MROH2A: variants seen among roughly 807,000 people sequenced by gnomAD.
MROH2A encodes maestro heat-like repeat-containing protein family member 2A.
A neutral mutation model predicts 200.4 loss-of-function variants in MROH2A; 174 were observed. That is an observed-to-expected ratio of 0.87 (90% CI 0.77 to 0.98). The LOEUF is 0.98. MROH2A is among the 50% of genes least tolerant of loss of function. MROH2A has a pLI of 0.00. For missense variants in MROH2A, 2,045 were observed against 2,139.6 expected, an observed-to-expected ratio of 0.96 and a Z score of 0.87; for synonymous variants, 829 against 840.4, an observed-to-expected ratio of 0.99 and a Z score of 0.23.
At chr2:233,815,073 A>T (rs1443701645) in intron 26 of MROH2A, among the ~76,000 whole-genome samples, 1 of 152,224 alleles carries the variant, frequency 6.6e-6, no homozygotes, top group Non-Finnish European at 1.5e-5. Flanking sequence ...AATTTCATGA[A>T]TTGCCCCAGT....
At chr2:233,792,413 C>T (rs1000971562) in intron 5 of MROH2A, among the ~76,000 whole-genome samples, 1 of 151,818 alleles carries the variant, frequency 6.6e-6, no homozygotes, top group East Asian at 1.9e-4. Flanking sequence ...CCCGGGTTCA[C>T]GCCATTCTCC....
intron 6 of MROH2A, among the ~76,000 whole-genome samples, chr2:233,793,354 A>C (rs78301919): frequency 0.027 from 4,138 of 152,282 alleles, 174 homozygotes; most frequent in African/African-American, 0.094. Context: ...TGAGAAAAAG[A>C]GGGCCACATG....
intron 5 of MROH2A, among the ~76,000 whole-genome samples, chr2:233,792,138 G>C (rs1701805736): frequency 6.6e-6 from 1 of 152,044 alleles, no homozygotes; most frequent in Non-Finnish European, 1.5e-5. Flanking sequence ...TGTCCGGGAG[G>C]ATGGACGCAC....
chr2:233,813,821 G>C (rs934498085), intron 25 of MROH2A, 43 bp downstream of exon 25: 1 of 1,143,458 alleles, frequency 8.7e-7, no homozygotes, highest in African/African-American at 1.5e-5. Context: ...TCAGGACCTG[G>C]GAGTTAACAT....
Position 233,828,487 on chromosome 2 carries a change from TAG to T in MROH2A, c.4114-138_4114-137del. 1 of 1,018,582 alleles carries T rather than the reference TAG, an allele frequency of 9.8e-7. No homozygotes were observed. Among genetic ancestry groups the T allele is most frequent in the African/African-American group, 1.6e-5 (1 of 61,086 alleles). 63.1% of individuals were successfully genotyped at this position (1,018,582 alleles called of 1,614,324 possible). ...AGGTACTAGCATCACCCGCTTTTTA[TAG>T]AGAGGAAACGGAGGCTCTCAGAGCC... On this transcript the variant is annotated intron_variant, in intron 35 of 41. Coordinates refer to ENST00000389758, the MANE Select transcript of MROH2A (RefSeq NM_001394639.1). The surrounding 1 kb of genome is among the most constrained non-coding windows in gnomAD (Gnocchi z 4.6).
rs763479318 is a variant in MROH2A at position 233,799,764 on chromosome 2, G to C, written c.1330-16G>C. 6 of 1,550,128 alleles carry C rather than the reference G, an allele frequency of 3.9e-6. No individual in the cohort carries two copies. In the African/African-American group the frequency reaches 4.1e-5, roughly 11 times the overall value. ...CCACCCCAACCCCCAGCATGTCCAC[G>C]GTCCTGTCCCCTCAGGTGAGGATGG... is the stretch of plus-strand genomic sequence containing the variant. On this transcript the variant is annotated splice_polypyrimidine_tract_variant and intron_variant, in intron 12 of 41. Coordinates refer to ENST00000389758, the MANE Select transcript of MROH2A (RefSeq NM_001394639.1).
chr2:233,817,032 C>T, intron 27 of MROH2A, 147 bp downstream of exon 27: 1 of 561,356 alleles, frequency 1.8e-6, no homozygotes, highest in Non-Finnish European at 3.2e-6. Context: ...GACCTAGTGC[C>T]CTGGGCTGGG....
intron 5 of MROH2A, among the ~76,000 whole-genome samples, chr2:233,792,224 G>A (rs1023111499): frequency 3.3e-5 from 5 of 151,672 alleles, no homozygotes; most frequent in African/African-American, 9.7e-5. Context: ...TCCCTCTCTC[G>A]GACCTCCTCT....
At chr2:233,826,332 C>A (rs920587049) in intron 35 of MROH2A, among the ~76,000 whole-genome samples, 1 of 152,154 alleles carries the variant, frequency 6.6e-6, no homozygotes, top group Non-Finnish European at 1.5e-5. Flanking sequence ...TACTATAAGG[C>A]TACAGTAACC....
In MROH2A at chr2:233,829,077, G is replaced by T; in HGVS notation, c.4446+5G>T. On this transcript the variant is annotated splice_donor_5th_base_variant and intron_variant, in intron 37 of 41. Coordinates refer to ENST00000389758, the MANE Select transcript of MROH2A (RefSeq NM_001394639.1). ...TGCAGGATCTTCTTCGACAACGTGA[G>T]TCCGATGAGAGCCTCCCTGAGCTTG... 1.3e-6 allele frequency: 2 copies of T among 1,504,056 alleles called. No homozygotes were observed. The highest frequency in any genetic ancestry group is 2.6e-5 in the South Asian group (2 of 76,344). 93.2% of individuals were successfully genotyped at this position (1,504,056 alleles called of 1,614,324 possible). A position where few individuals can be genotyped will look rare whatever the true frequency, so the allele number is the denominator to read the frequency against.
At chr2:233,795,910 G>A in intron 9 of MROH2A, 57 bp from the exon 10 acceptor site, 1 of 1,537,742 alleles carries the variant, frequency 6.5e-7, no homozygotes, top group Non-Finnish European at 8.8e-7. Flanking sequence ...CAGCTGGGCT[G>A]CCCCTGCACC....
At chr2:233,776,316 T>C (rs1296647438), upstream of MROH2A, among the ~76,000 whole-genome samples, 1 of 151,914 alleles carries the variant, frequency 6.6e-6, no homozygotes, top group Non-Finnish European at 1.5e-5. Context: ...GGATTGTGAG[T>C]TCAATATTGT....
chr2:233,805,537 T>C (rs1009096700), intron 19 of MROH2A, among the ~76,000 whole-genome samples: 4 of 152,220 alleles, frequency 2.6e-5, no homozygotes, highest in African/African-American at 9.6e-5. Flanking sequence ...TAGTTCTTTT[T>C]TTTGATCCTA....
chr2:233,822,799 C>T, intron 33 of MROH2A, 82 bp from the exon 34 acceptor site: 1 of 1,508,720 alleles, frequency 6.6e-7, no homozygotes, highest in East Asian at 2.5e-5. Context: ...GCACTGGGGC[C>T]CCACTTCACA....
intron 22 of MROH2A, 126 bp from the exon 23 acceptor site, chr2:233,810,668 C>G: frequency 7.9e-7 from 1 of 1,259,364 alleles, no homozygotes; most frequent in Admixed American, 2.5e-5. Context: ...CTGGCCATCT[C>G]TCAGAGCATT....
chr2:233,816,746 A>C, intron 26 of MROH2A, 35 bp from the exon 27 acceptor site: 2 of 1,465,564 alleles, frequency 1.4e-6, no homozygotes, highest in Non-Finnish European at 1.9e-6. Context: ...CCAGGATTTT[A>C]ACACCCACTT....
Position 233,779,439 on chromosome 2 carries a change from A to G in MROH2A, c.81A>G (p.Glu27=), listed in dbSNP as rs1700824654. 1 of 1,549,022 alleles carries G rather than the reference A, an allele frequency of 6.5e-7. No individual in the cohort carries two copies. Among genetic ancestry groups the G allele is most frequent in the South Asian group, 1.2e-5 (1 of 84,030 alleles). ...AAAGAGACGACCTGGGGCCTCTTGA[A>G]TTACATGACAGTGGTAAGAATGTCA... is the stretch of plus-strand genomic sequence containing the variant. ...SEERDDLGPL[E]LHDSGTFQQV... is the part of the protein sequence containing the mutation. The change falls in exon 2 of 42, where the codon GAA becomes GAG. Residue 27 remains glutamate (E), a synonymous_variant. Transcript: ENST00000389758.
At chr2:233,787,638 T>TG (rs1215314048) in intron 3 of MROH2A, among the ~76,000 whole-genome samples, 1 of 61,002 alleles carries the variant, frequency 1.6e-5, no homozygotes, top group Non-Finnish European at 2.7e-5. Context: ...ATTATATATA[T>TG]TATATATATC....
intron 12 of MROH2A, among the ~76,000 whole-genome samples, chr2:233,799,319 G>A (rs1702310901): frequency 6.6e-6 from 1 of 152,196 alleles, no homozygotes; most frequent in Non-Finnish European, 1.5e-5. Context: ...GGTCTGCACA[G>A]CAGTTTTGAG....
Sources: allele counts gnomAD v4.1 joint callset (sites outside exome capture counted in the v4.1 genomes callset), GRCh38; gene constraint gnomAD v4.1.1; non-coding constraint Gnocchi (gnomAD v3.1); transcripts MANE v1.5; gene names NCBI Gene and HGNC (gene_info 2026-07-23, HGNC 2026-07-21).